Variants in DCLK1 observed in about 807,000 individuals in gnomAD.
The protein encoded by DCLK1 is doublecortin like kinase 1, also known as serine/threonine-protein kinase DCLK1.
A neutral mutation model predicts 86.2 loss-of-function variants in DCLK1; 16 were observed. The ratio of observed to expected loss-of-function variants is 0.19; its 90% CI spans 0.13 to 0.28. The LOEUF (loss-of-function observed/expected upper bound fraction) is 0.28. DCLK1 is among the 10% of genes least tolerant of loss of function. The pLI is 1.00. For synonymous variants in DCLK1, 369 were observed against 370.5 expected, an observed-to-expected ratio of 1.00 and a Z score of 0.05; for missense variants, 590 against 940.2, an observed-to-expected ratio of 0.63 and a Z score of 4.87.
At chr13:35,978,213 T>C (rs982763118) in intron 3 of DCLK1, among the ~76,000 whole-genome samples, 1 of 142,714 alleles carries the variant, frequency 7.0e-6, no homozygotes, top group African/African-American at 2.6e-5. Flanking sequence ...CTTTTTTTTT[T>C]TTTTTTTTTT....
At chr13:36,031,441 T>C (rs1882267080) in intron 3 of DCLK1, among the ~76,000 whole-genome samples, 3 of 152,180 alleles carry the variant, frequency 2.0e-5, no homozygotes, top group African/African-American at 7.2e-5. Flanking sequence ...TTTAGATATA[T>C]ATGTACACAA....
chr13:35,789,177 G>A (rs1279570728), intron 16 of DCLK1, among the ~76,000 whole-genome samples: 2 of 152,100 alleles, frequency 1.3e-5, no homozygotes, highest in Non-Finnish European at 2.9e-5. Context: ...GAGAGGATGC[G>A]ACTTGGACAC....
chr13:36,088,728 A>AC (rs751137685), intron 3 of DCLK1, among the ~76,000 whole-genome samples: 15 of 152,312 alleles, frequency 9.8e-5, no homozygotes, highest in Non-Finnish European at 1.9e-4. Flanking sequence ...TGGAACCTTA[A>AC]CATTAGTGGT....
chr13:35,857,957 A>G (rs531595161), intron 5 of DCLK1, among the ~76,000 whole-genome samples: 10 of 152,328 alleles, frequency 6.6e-5, no homozygotes, highest in African/African-American at 2.2e-4. Flanking sequence ...CATAGTGAGT[A>G]GTGCTTTAAA....
At chr13:35,902,525 T>C (rs140344518) in intron 4 of DCLK1, among the ~76,000 whole-genome samples, 149 of 152,286 alleles carry the variant, frequency 9.8e-4, no homozygotes, top group Middle Eastern at 6.8e-3. Flanking sequence ...ACTTGGCAGC[T>C]GTGGGCGTAG....
intron 3 of DCLK1, among the ~76,000 whole-genome samples, chr13:36,026,218 G>A (rs940231116): frequency 1.3e-5 from 2 of 152,126 alleles, no homozygotes; most frequent in African/African-American, 4.8e-5. Context: ...CATTATTAAA[G>A]TTAGAAATAA....
chr13:35,822,994 T>C, intron 10 of DCLK1, 119 bp from the exon 11 acceptor site: 1 of 1,228,596 alleles, frequency 8.1e-7, no homozygotes, highest in South Asian at 1.5e-5. Flanking sequence ...TTTGGGTTCC[T>C]AAAGGCTTTT....
Position 36,040,355 on chromosome 13 carries a change from GTATTCCTCCA to G in DCLK1, c.723+71504_723+71513del, listed in dbSNP as rs1297632635. 3.5e-3 allele frequency among the ~76,000 whole-genome samples: 459 copies of G among 132,326 alleles called. 3 individuals are homozygous for G. Among genetic ancestry groups the G allele is most frequent in the African/African-American group, 0.012 (440 of 35,922 alleles). The allele number at this position is 132,326 out of a possible 152,430, so 86.8% of individuals were successfully genotyped here. On this transcript the variant is annotated intron_variant, in intron 3 of 16. Transcript: ENST00000360631. ...GGGATACTACTCAGAGATTTGCAGG[GTATTCCTCCA>G]TAGGAATACCCTGCAAATCTCTGAG...
intron 4 of DCLK1, among the ~76,000 whole-genome samples, chr13:35,923,627 G>A (rs570866308): frequency 2.2e-4 from 34 of 152,192 alleles, no homozygotes; most frequent in African/African-American, 6.7e-4. Flanking sequence ...GTGAGTCACT[G>A]TCTGTGAGCA....
chr13:35,893,293 C>T (rs957533000), intron 4 of DCLK1, among the ~76,000 whole-genome samples: 2 of 152,222 alleles, frequency 1.3e-5, no homozygotes, highest in African/African-American at 4.8e-5. Context: ...TATTCATTAA[C>T]TTATCCCCTT....
intron 3 of DCLK1, among the ~76,000 whole-genome samples, chr13:36,098,419 A>G (rs1485323884): frequency 1.3e-5 from 2 of 152,218 alleles, no homozygotes; most frequent in African/African-American, 2.4e-5. Context: ...TTATAAGGCA[A>G]ATAGGACAAA....
intron 3 of DCLK1, among the ~76,000 whole-genome samples, chr13:35,959,183 T>C (rs1446892558): frequency 6.6e-6 from 1 of 152,218 alleles, no homozygotes; most frequent in East Asian, 1.9e-4. Context: ...TTGTATACTA[T>C]GTATATTAGA....
At position 36,064,460 on chromosome 13, in the gene DCLK1, A is replaced by G. The variant is rs548299050; in HGVS notation, c.723+47409T>C. 2.3e-4 allele frequency among the ~76,000 whole-genome samples: 35 copies of G among 152,234 alleles called. 1 individual carries two copies. Among genetic ancestry groups the G allele is most frequent in the Admixed American group, 1.4e-3 (22 of 15,300 alleles). On this transcript the variant is annotated intron_variant, in intron 3 of 16. Transcript: ENST00000360631. ...CGGATCACGAGGTCAGGAGATCGAG[A>G]CCATCCTGGCCAACATGGTGAAACC...
intron 2 of DCLK1, among the ~76,000 whole-genome samples, chr13:36,122,638 C>A (rs942384010): frequency 6.6e-6 from 1 of 152,084 alleles, no homozygotes; most frequent in Non-Finnish European, 1.5e-5. Context: ...GGAAATGAGG[C>A]CAAGTCTCAA....
At chr13:35,825,213 C>T (rs2087491209) in intron 10 of DCLK1, among the ~76,000 whole-genome samples, 1 of 152,142 alleles carries the variant, frequency 6.6e-6, no homozygotes, top group South Asian at 2.1e-4. Context: ...GAAGCATACC[C>T]CACCCACATG....
chr13:36,006,225 AC>A (rs1373941219), intron 3 of DCLK1, among the ~76,000 whole-genome samples: 1 of 152,220 alleles, frequency 6.6e-6, no homozygotes, highest in Non-Finnish European at 1.5e-5. Context: ...GAAATCATGC[AC>A]AAAGGAAAAG....
intron 6 of DCLK1, among the ~76,000 whole-genome samples, chr13:35,841,341 A>C (rs1185615914): frequency 6.6e-6 from 1 of 152,178 alleles, no homozygotes; most frequent in African/African-American, 2.4e-5. Flanking sequence ...GTACATGAAA[A>C]CATCTTTTAA....
In DCLK1 at chr13:35,914,377, A is replaced by ATATATATACG. The variant is rs1566600386; in HGVS notation, c.823+32980_823+32981insCGTATATATA. Among the ~76,000 whole-genome samples the ATATATATACG allele has an allele frequency of 5.4e-5, 6 of 111,670 alleles. No individual in the cohort carries two copies. The South Asian group carries it at 1.8e-3, about 33-fold the overall frequency. 73.3% of individuals were successfully genotyped at this position (111,670 alleles called of 152,430 possible). A position where few individuals can be genotyped will look rare whatever the true frequency, so the allele number is the denominator to read the frequency against. On this transcript the variant is annotated intron_variant, in intron 4 of 16. Transcript: ENST00000360631. ...TATATATATATATATATGTATATATATATATATATATATAAGCAAAATTAT... is the reference window on the plus strand; with the variant it reads ...TATATATATATATATATGTATATATATATATATACGTATATATATATATAAGCAAAATTAT...
At chr13:36,095,959 A>T (rs1189803631) in intron 3 of DCLK1, among the ~76,000 whole-genome samples, 3 of 152,204 alleles carry the variant, frequency 2.0e-5, no homozygotes, top group Non-Finnish European at 4.4e-5. Flanking sequence ...TAATAAACAA[A>T]CTAAATCACT....
Sources: allele counts gnomAD v4.1 joint callset (sites outside exome capture counted in the v4.1 genomes callset), GRCh38; gene constraint gnomAD v4.1.1; transcripts MANE v1.5; gene names NCBI Gene and HGNC (gene_info 2026-07-23, HGNC 2026-07-21).